PCYT1A: variants seen among roughly 807,000 people sequenced by gnomAD.
PCYT1A encodes phosphate cytidylyltransferase 1A, choline.
PCYT1A carries 25 observed loss-of-function variants against 43.7 expected under a neutral mutation model. The observed-to-expected ratio is 0.57, with a 90% CI of 0.42 to 0.80. PCYT1A has a LOEUF of 0.80. PCYT1A is among the 30% of genes least tolerant of loss of function. The probability of loss-of-function intolerance (pLI) is 0.00; values close to 1 mark genes in which losing one functional copy is unlikely to be tolerated. For synonymous variants in PCYT1A, 172 were observed against 170.7 expected (o/e 1.01, Z -0.06); for missense variants, 421 against 474.2 (o/e 0.89, Z 1.04).
In PCYT1A at chr3:196,248,343, T is replaced by C. The variant is rs374018221; in HGVS notation, c.218-20A>G. 291 of 1,373,018 alleles carry C rather than the reference T, an allele frequency of 2.1e-4. 1 individual carries two copies. Among genetic ancestry groups the C allele is most frequent in the Non-Finnish European group, 2.8e-4 (269 of 964,738 alleles). The allele number at this position is 1,373,018 out of a possible 1,614,324, so 85.1% of individuals were successfully genotyped here. A position where few individuals can be genotyped will look rare whatever the true frequency, so the allele number is the denominator to read the frequency against. Reference sequence around the variant, plus strand: ...GCTCACCTAAATCCAAATGAAAGAATTGATCACAAAAATACCTTTTTTTTT... The same window carrying C: ...GCTCACCTAAATCCAAATGAAAGAACTGATCACAAAAATACCTTTTTTTTT... On this transcript the variant is annotated intron_variant, in intron 3 of 8. Coordinates refer to ENST00000431016, the MANE Select transcript of PCYT1A (RefSeq NM_001312673.2).
chr3:196,239,213 G>C (rs1724275790), intron 8 of PCYT1A, among the ~76,000 whole-genome samples: 1 of 152,200 alleles, frequency 6.6e-6, no homozygotes, highest in Non-Finnish European at 1.5e-5. Flanking sequence ...GCAGCTACTT[G>C]TAGTGGAGGC....
At chr3:196,276,875 G>C (rs1725606445) in intron 1 of PCYT1A, among the ~76,000 whole-genome samples, 1 of 151,904 alleles carries the variant, frequency 6.6e-6, no homozygotes, top group Admixed American at 6.6e-5. Context: ...AGTCAAGGCT[G>C]CACTGAGCCA....
At chr3:196,259,035 G>T (rs1577365101) in intron 2 of PCYT1A, among the ~76,000 whole-genome samples, 1 of 152,044 alleles carries the variant, frequency 6.6e-6, no homozygotes, top group African/African-American at 2.4e-5. Flanking sequence ...TGTTTTTGTG[G>T]TTTTTGTAAA....
intron 2 of PCYT1A, among the ~76,000 whole-genome samples, chr3:196,269,320 T>C (rs983176322): frequency 7.9e-5 from 12 of 152,218 alleles, no homozygotes; most frequent in Admixed American, 3.9e-4. Context: ...GTATTAACTG[T>C]TTCAGAATAG....
chr3:196,250,198 C>T (rs979576714), intron 3 of PCYT1A, among the ~76,000 whole-genome samples: 2 of 140,368 alleles, frequency 1.4e-5, no homozygotes, highest in African/African-American at 2.6e-5. Flanking sequence ...TACACCATGC[C>T]GAGGCAGAGG....
intron 3 of PCYT1A, among the ~76,000 whole-genome samples, chr3:196,248,702 T>G (rs550252860): frequency 6.6e-6 from 1 of 151,624 alleles, no homozygotes; most frequent in South Asian, 2.1e-4. Context: ...TATCTTGTAC[T>G]TGGCAAATGG....
At chr3:196,258,722 G>A (rs989351313) in intron 2 of PCYT1A, among the ~76,000 whole-genome samples, 12 of 151,768 alleles carry the variant, frequency 7.9e-5, no homozygotes, top group Admixed American at 1.3e-4. Context: ...CGAGTAGCTG[G>A]GACTACAGGC....
intron 2 of PCYT1A, among the ~76,000 whole-genome samples, chr3:196,264,560 T>TC (rs1208163199): frequency 2.6e-5 from 4 of 152,224 alleles, no homozygotes; most frequent in African/African-American, 9.6e-5. Context: ...ATGACGCTTT[T>TC]CCCAAACCAC....
At position 196,239,549 on chromosome 3, in the gene PCYT1A, G is replaced by GTT. The variant is rs1724288200; in HGVS notation, c.894_895insAA (p.Leu299AsnfsTer2). Reference sequence around the variant, plus strand: ...TTGTCCAGTGGGAAAGAACATACCAGTGCTCCTTCCGGACCAAACATTTCC... The same window carrying GTT: ...TTGTCCAGTGGGAAAGAACATACCAGTTTGCTCCTTCCGGACCAAACATTTCC... On this transcript the variant is annotated frameshift_variant, in exon 8 of 9. Coordinates refer to ENST00000431016, the MANE Select transcript of PCYT1A (RefSeq NM_001312673.2). LOFTEE classifies it high-confidence loss of function. 3 of 1,595,404 alleles carry GTT rather than the reference G, an allele frequency of 1.9e-6. No individual in the cohort carries two copies. The African/African-American group carries it at 4.0e-5, about 21-fold the overall frequency.
chr3:196,243,803 C>G (rs918229091), intron 5 of PCYT1A, among the ~76,000 whole-genome samples: 50 of 152,276 alleles, frequency 3.3e-4, no homozygotes, highest in Non-Finnish European at 4.4e-4. Context: ...CCCGAGGTGC[C>G]GGGATTGCAG....
intron 2 of PCYT1A, among the ~76,000 whole-genome samples, chr3:196,264,518 C>T (rs1290000899): frequency 6.6e-6 from 1 of 152,190 alleles, no homozygotes; most frequent in African/African-American, 2.4e-5. Flanking sequence ...TCCTTGTATC[C>T]TTCAAAGTTC....
At chr3:196,281,418 CA>C (rs1227578559) in intron 1 of PCYT1A, among the ~76,000 whole-genome samples, 4 of 152,164 alleles carry the variant, frequency 2.6e-5, no homozygotes, top group Non-Finnish European at 4.4e-5. Context: ...AAATCTAGAT[CA>C]GGGGTCAGCA....
intron 7 of PCYT1A, chr3:196,240,645 T>C (rs996552491): frequency 7.2e-5 from 11 of 152,154 alleles, no homozygotes; most frequent in African/African-American, 2.7e-4. Context: ...AAGCCAAGAT[T>C]GCGCCACTGT....
chr3:196,248,522 T>TCATCACGC (rs1198604466), intron 3 of PCYT1A, among the ~76,000 whole-genome samples, 199 bp from the exon 4 acceptor site: 1 of 151,372 alleles, frequency 6.6e-6, no homozygotes, highest in African/African-American at 2.4e-5. Flanking sequence ...CAGGTGCATG[T>TCATCACGC]CATCACGCCT....
intron 1 of PCYT1A, among the ~76,000 whole-genome samples, chr3:196,271,331 C>A (rs1270518429): frequency 6.6e-6 from 1 of 152,172 alleles, no homozygotes; most frequent in Non-Finnish European, 1.5e-5. Context: ...TTTCTTAACT[C>A]TAAAAGTTCT....
chr3:196,276,168 T>C (rs1577375321), intron 1 of PCYT1A, among the ~76,000 whole-genome samples: 1 of 151,398 alleles, frequency 6.6e-6, no homozygotes, highest in East Asian at 1.9e-4. Flanking sequence ...AAAGAGTAGA[T>C]TTTAAATGTT....
Position 196,247,632 on chromosome 3 carries a change from C to T in PCYT1A, c.335-114G>A. The T allele has an allele frequency of 9.3e-7, 1 of 1,073,784 alleles. No homozygotes were observed. The highest frequency in any genetic ancestry group is 1.4e-6 in the Non-Finnish European group (1 of 703,272). 66.5% of individuals were successfully genotyped at this position (1,073,784 alleles called of 1,614,324 possible). ...TTAGGACTGCAACCATCTTCCCCAACTGGAAAAAAGTCTTCTAAAGGTGGT... is the reference window on the plus strand; with the variant it reads ...TTAGGACTGCAACCATCTTCCCCAATTGGAAAAAAGTCTTCTAAAGGTGGT... On this transcript the variant is annotated intron_variant, in intron 4 of 8. Coordinates refer to ENST00000431016, the MANE Select transcript of PCYT1A (RefSeq NM_001312673.2). This position sits in a 1 kb window ranked among gnomAD's most constrained non-coding sequence, Gnocchi z 4.8.
chr3:196,241,131 TAAAAAAAAAA>T (rs1209954920), intron 7 of PCYT1A, among the ~76,000 whole-genome samples: 1 of 49,700 alleles, frequency 2.0e-5, no homozygotes, highest in Admixed American at 3.0e-4. Flanking sequence ...CCATCTCTGC[TAAAAAAAAAA>T]AAAAAAAAAA....
chr3:196,265,588 CT>C (rs1313939054), intron 2 of PCYT1A, among the ~76,000 whole-genome samples: 1 of 152,136 alleles, frequency 6.6e-6, no homozygotes, highest in Non-Finnish European at 1.5e-5. Context: ...GTGATCCTTC[CT>C]ATTCCTTTCT....
Sources: allele counts gnomAD v4.1 joint callset (sites outside exome capture counted in the v4.1 genomes callset), GRCh38; gene constraint gnomAD v4.1.1; non-coding constraint Gnocchi (gnomAD v3.1); transcripts MANE v1.5; gene names NCBI Gene and HGNC (gene_info 2026-07-23, HGNC 2026-07-21).